Variants in ERO1A observed in about 807,000 individuals in gnomAD.
ERO1A encodes the protein ERO1-like protein alpha.
ERO1A carries 49 observed loss-of-function variants against 76.9 expected under a neutral mutation model. The ratio of observed to expected loss-of-function variants is 0.64; its 90% CI spans 0.51 to 0.81. The LOEUF (loss-of-function observed/expected upper bound fraction) is 0.81. Among genes scored for constraint, ERO1A ranks in the 30% least tolerant of loss-of-function variants. ERO1A has a pLI of 0.00. For synonymous variants in ERO1A, 174 were observed against 181.2 expected (o/e 0.96, Z 0.32); for missense variants, 448 against 542.1 (o/e 0.83, Z 1.72).
At chr14:52,650,559 T>A (rs1171192377) in intron 13 of ERO1A, among the ~76,000 whole-genome samples, 1 of 151,980 alleles carries the variant, frequency 6.6e-6, no homozygotes, top group African/African-American at 2.4e-5. Flanking sequence ...TGATTTCATA[T>A]GTACATATAT....
chr14:52,665,138 C>A (rs2040367413), intron 7 of ERO1A, among the ~76,000 whole-genome samples: 1 of 151,114 alleles, frequency 6.6e-6, no homozygotes, highest in South Asian at 2.1e-4. Flanking sequence ...CCCGTCTCCA[C>A]TAAAAATACA....
intron 11 of ERO1A, among the ~76,000 whole-genome samples, chr14:52,657,480 C>T (rs1276279112): frequency 6.6e-6 from 1 of 152,138 alleles, no homozygotes; most frequent in Admixed American, 6.5e-5. Flanking sequence ...AAATATGGTA[C>T]TGATGAAAAT....
intron 1 of ERO1A, among the ~76,000 whole-genome samples, chr14:52,688,858 C>T: frequency 6.6e-6 from 1 of 152,172 alleles, no homozygotes; most frequent in South Asian, 2.1e-4. Context: ...AAAGACAAAA[C>T]AACACTTTCT....
At chr14:52,683,300 A>T (rs2041062711) in intron 2 of ERO1A, among the ~76,000 whole-genome samples, 1 of 147,374 alleles carries the variant, frequency 6.8e-6, no homozygotes, top group African/African-American at 2.6e-5. Context: ...TTTTCAAACA[A>T]GAAAGAGTTA....
intron 3 of ERO1A, among the ~76,000 whole-genome samples, chr14:52,681,235 C>T (rs905934252): frequency 6.6e-6 from 1 of 152,166 alleles, no homozygotes; most frequent in Non-Finnish European, 1.5e-5. Flanking sequence ...CCCAAAAGTC[C>T]ATCAACAGGT....
At chr14:52,672,863 T>C (rs2040655662) in intron 4 of ERO1A, among the ~76,000 whole-genome samples, 12 of 151,624 alleles carry the variant, frequency 7.9e-5, no homozygotes. Context: ...TCAATTTCAT[T>C]ACATCTCAGA....
intron 1 of ERO1A, among the ~76,000 whole-genome samples, chr14:52,686,808 G>A (rs531823335): frequency 6.6e-6 from 1 of 152,070 alleles, no homozygotes; most frequent in East Asian, 1.9e-4. Context: ...CGGGGAGGCA[G>A]AGATTGCAGT....
At chr14:52,680,776 A>G (rs984884242) in intron 3 of ERO1A, among the ~76,000 whole-genome samples, 1 of 152,212 alleles carries the variant, frequency 6.6e-6, no homozygotes, top group East Asian at 1.9e-4. Flanking sequence ...TTAATTTTCA[A>G]TAAGTTGTAT....
rs1199704174 is a variant in ERO1A at position 52,646,502 on chromosome 14, C to T, written c.1126-41G>A. ...CAAGATTTTATTAAGATGTAATATACAGTCAATTAGTAAGTATTTTCTGAG... is the reference window on the plus strand; with the variant it reads ...CAAGATTTTATTAAGATGTAATATATAGTCAATTAGTAAGTATTTTCTGAG... On this transcript the variant is annotated intron_variant, in intron 13 of 15. Coordinates refer to ENST00000395686, the MANE Select transcript of ERO1A (RefSeq NM_014584.3). 3 of 1,464,472 alleles carry T rather than the reference C, an allele frequency of 2.0e-6. No homozygotes were observed. In the African/African-American group the frequency reaches 4.2e-5, roughly 21 times the overall value. 90.7% of individuals were successfully genotyped at this position (1,464,472 alleles called of 1,614,324 possible).
intron 6 of ERO1A, 100 bp downstream of exon 6, chr14:52,671,530 G>T: frequency 1.3e-6 from 1 of 743,906 alleles, no homozygotes; most frequent in Non-Finnish European, 2.1e-6. Flanking sequence ...GATAAGCTGG[G>T]ACTACAGGCA....
rs572403367 is a variant in ERO1A, at chr14:52,641,886, A to G, written c.*1684T>C. On this transcript the variant is annotated 3_prime_UTR_variant, in exon 16 of 16. Coordinates refer to ENST00000395686, the MANE Select transcript of ERO1A (RefSeq NM_014584.3). ...AAATATACTGAATACATATGCATAC[A>G]TTCATCCAACAAATATTTATTGGAT... 1 of 152,212 alleles carries G rather than the reference A, an allele frequency of 6.6e-6. No individual in the cohort carries two copies. Among genetic ancestry groups the G allele is most frequent in the Non-Finnish European group, 1.5e-5 (1 of 68,018 alleles). The allele number at this position is 152,212 out of a possible 1,614,324, so 9.4% of individuals were successfully genotyped here.
At chr14:52,684,551 C>A (rs1342388745) in intron 1 of ERO1A, among the ~76,000 whole-genome samples, 4 of 152,106 alleles carry the variant, frequency 2.6e-5, no homozygotes, top group Admixed American at 2.6e-4. Flanking sequence ...CCATCCTTAG[C>A]TTTCAGTAAG....
intron 1 of ERO1A, among the ~76,000 whole-genome samples, chr14:52,693,318 G>A (rs1280364663): frequency 6.6e-6 from 1 of 152,022 alleles, no homozygotes; most frequent in Admixed American, 6.6e-5. Context: ...AGAAAAACGT[G>A]AGAGACTGGC....
At chr14:52,673,360 G>T (rs2040673929) in intron 4 of ERO1A, among the ~76,000 whole-genome samples, 1 of 152,202 alleles carries the variant, frequency 6.6e-6, no homozygotes, top group South Asian at 2.1e-4. Flanking sequence ...AAAGTGCTGG[G>T]ATTACAGGCA....
chr14:52,672,358 G>A (rs2040630673), intron 4 of ERO1A: 1 of 152,100 alleles, frequency 6.6e-6, no homozygotes, highest in Non-Finnish European at 1.5e-5. Context: ...AAATACTTTA[G>A]CCCAAATATT....
In ERO1A at chr14:52,642,788, T is replaced by C. The variant is rs1229559682; in HGVS notation, c.*782A>G. ...ATAAAAAGTGTTCCCCAAATTTTAT[T>C]TAGTATTAGTGAAAGTATTATGAGA... On this transcript the variant is annotated 3_prime_UTR_variant, in exon 16 of 16. Transcript: ENST00000395686. 1.3e-5 allele frequency: 2 copies of C among 152,572 alleles called. No individual in the cohort carries two copies. The highest frequency in any genetic ancestry group is 2.4e-5 in the African/African-American group (1 of 41,430). 9.5% of individuals were successfully genotyped at this position (152,572 alleles called of 1,614,324 possible).
chr14:52,662,983 G>T (rs968643176), intron 8 of ERO1A, among the ~76,000 whole-genome samples: 4 of 152,158 alleles, frequency 2.6e-5, no homozygotes, highest in African/African-American at 9.7e-5. Flanking sequence ...GCATGCATCA[G>T]ATTACTTCAT....
intron 9 of ERO1A, chr14:52,658,490 T>A (rs2040125301): frequency 5.2e-6 from 1 of 191,460 alleles, no homozygotes; most frequent in Non-Finnish European, 1.0e-5. Flanking sequence ...TTGATAACAA[T>A]TCATGCCATG....
chr14:52,670,216 T>G (rs1381204466), intron 6 of ERO1A, among the ~76,000 whole-genome samples: 1 of 152,204 alleles, frequency 6.6e-6, no homozygotes, highest in African/African-American at 2.4e-5. Context: ...CACTAATTTT[T>G]GAAAGAGCGT....
Sources: allele counts gnomAD v4.1 joint callset (sites outside exome capture counted in the v4.1 genomes callset), GRCh38; gene constraint gnomAD v4.1.1; transcripts MANE v1.5; gene names NCBI Gene and HGNC (gene_info 2026-07-23, HGNC 2026-07-21).